Variants in COMMD1 observed in about 807,000 individuals in gnomAD.
The protein encoded by COMMD1 is COMM domain-containing protein 1.
In COMMD1, 10 loss-of-function variants were observed where a neutral mutation model predicts 17.2. The ratio of observed to expected loss-of-function variants is 0.58; its 90% CI spans 0.36 to 0.99. COMMD1 has a LOEUF of 0.99. COMMD1 is among the 50% of genes least tolerant of loss of function. The pLI is 0.01. For missense variants in COMMD1, 270 were observed against 231.8 expected (o/e 1.17, Z -1.07); for synonymous variants, 97 against 91.6 (o/e 1.06, Z -0.34).
At chr2:61,896,674 G>C (rs1414616804) in intron 1 of COMMD1, among the ~76,000 whole-genome samples, 1 of 152,018 alleles carries the variant, frequency 6.6e-6, no homozygotes, top group Non-Finnish European at 1.5e-5. Context: ...CCCCAAATAA[G>C]CTACTCTGGT....
chr2:61,987,043 C>T (rs1352802118), intron 1 of COMMD1, among the ~76,000 whole-genome samples: 3 of 152,078 alleles, frequency 2.0e-5, no homozygotes, highest in African/African-American at 7.2e-5. Flanking sequence ...TTAATTATTT[C>T]CATTTTGTTG....
chr2:62,042,209 A>C (rs956906494), intron 2 of COMMD1, among the ~76,000 whole-genome samples: 4 of 152,128 alleles, frequency 2.6e-5, no homozygotes, highest in African/African-American at 9.7e-5. Flanking sequence ...TAGACACAAA[A>C]GTTCTCCAAG....
chr2:62,099,429 A>G (rs1200192897), intron 2 of COMMD1, among the ~76,000 whole-genome samples: 1 of 152,200 alleles, frequency 6.6e-6, no homozygotes, highest in African/African-American at 2.4e-5. Context: ...GACCTAGGTC[A>G]TCTTTAGTAA....
chr2:61,936,738 T>C (rs551354484), intron 1 of COMMD1, among the ~76,000 whole-genome samples: 1 of 152,306 alleles, frequency 6.6e-6, no homozygotes, highest in East Asian at 1.9e-4. Context: ...TGGCCTTCCA[T>C]ACAGTTTTTG....
chr2:61,892,274 T>C lies in COMMD1; in HGVS notation n.119+3432T>C, dbSNP rs1460057739. ...ACAATTTCCTTAATAATTTATGAAA[T>C]AGGTTTTACAAAACAATAATACTTT... On this transcript the variant is annotated intron_variant and non_coding_transcript_variant, in intron 1 of 2. Transcript: ENST00000472729. 2.0e-5 allele frequency among the ~76,000 whole-genome samples: 3 copies of C among 152,058 alleles called. No homozygotes were observed. The South Asian group carries it at 6.2e-4, about 31-fold the overall frequency.
At chr2:61,933,474 C>T (rs531308103) in intron 1 of COMMD1, among the ~76,000 whole-genome samples, 2 of 151,998 alleles carry the variant, frequency 1.3e-5, no homozygotes, top group East Asian at 3.9e-4. Context: ...AGGTTCCAGG[C>T]TTAAGGGTGG....
chr2:61,918,432 G>C (rs1670102185), intron 1 of COMMD1: 1 of 152,174 alleles, frequency 6.6e-6, no homozygotes, highest in Non-Finnish European at 1.5e-5. Flanking sequence ...AGCAATTGCA[G>C]ATTACCCACC....
At chr2:61,919,232 G>A (rs576193866) in intron 1 of COMMD1, among the ~76,000 whole-genome samples, 269 of 152,124 alleles carry the variant, frequency 1.8e-3, no homozygotes, top group African/African-American at 6.0e-3. Context: ...GGCTGGTCTC[G>A]AACTCCCAAG....
chr2:62,089,882 A>G (rs529448252), intron 2 of COMMD1, among the ~76,000 whole-genome samples: 3 of 151,594 alleles, frequency 2.0e-5, no homozygotes, highest in Non-Finnish European at 4.4e-5. Flanking sequence ...CAGGTCCCAC[A>G]GCGCTAAGAA....
chr2:62,063,868 A>T lies in COMMD1; in HGVS notation c.462+62886A>T, dbSNP rs868706344. Among the ~76,000 whole-genome samples, 471 of 81,192 alleles carry T rather than the reference A, an allele frequency of 5.8e-3. 10 individuals are homozygous for T. The highest frequency in any genetic ancestry group is 0.02 in the African/African-American group (416 of 20,484). The allele number at this position is 81,192 out of a possible 152,430, so 53.3% of individuals were successfully genotyped here. ...CAACATAGTGACACTGTCTCTACAA[A>T]ATATATATATATATATATATATATA... On this transcript the variant is annotated intron_variant, in intron 2 of 2. Transcript: ENST00000311832.
intron 1 of COMMD1, among the ~76,000 whole-genome samples, chr2:61,911,874 C>G (rs901776499): frequency 5.9e-5 from 9 of 152,302 alleles, no homozygotes; most frequent in Admixed American, 4.6e-4. Flanking sequence ...TTACTCACTT[C>G]TCTGATCTCA....
At chr2:62,044,419 C>T (rs1670324161) in intron 2 of COMMD1, among the ~76,000 whole-genome samples, 1 of 152,142 alleles carries the variant, frequency 6.6e-6, no homozygotes, top group Non-Finnish European at 1.5e-5. Flanking sequence ...TTTGTGTATT[C>T]TGTGTTCTGC....
rs765844307 is a variant in COMMD1 at position 62,000,939 on chromosome 2, C to G, written c.419C>G (p.Thr140Arg). The G allele has an allele frequency of 2.5e-6, 4 of 1,613,962 alleles. No homozygotes were observed. In the African/African-American group the frequency reaches 5.3e-5, roughly 22 times the overall value. Residue 140 changes from threonine to arginine, a missense_variant, in exon 2 of 3, where the codon ACA (threonine) becomes AGA (arginine). Physicochemically the swap from Thr to Arg is moderately conservative, Grantham distance 71. Transcript: ENST00000311832. Reference protein sequence around the residue: ...SQSRHSAQIHTPVAIIELELG... With the variant: ...SQSRHSAQIHRPVAIIELELG... Reference sequence around the variant, plus strand: ...TCAAGGCACTCAGCTCAAATACACACACCTGTTGCCATTATAGAGCTGGAA... The same window carrying G: ...TCAAGGCACTCAGCTCAAATACACAGACCTGTTGCCATTATAGAGCTGGAA...
intron 2 of COMMD1, among the ~76,000 whole-genome samples, chr2:62,075,544 A>G (rs1027335680): frequency 6.6e-6 from 1 of 152,254 alleles, no homozygotes; most frequent in Non-Finnish European, 1.5e-5. Flanking sequence ...GGATATAATC[A>G]TATGAGGTAA....
intron 1 of COMMD1, chr2:61,915,815 CTTAT>C (rs1670033958): frequency 2.9e-6 from 1 of 347,684 alleles, no homozygotes; most frequent in South Asian, 2.3e-5. Flanking sequence ...CTTTATTTAA[CTTAT>C]TTATTTTATT....
At chr2:62,042,577 G>A (rs1016379825) in intron 2 of COMMD1, among the ~76,000 whole-genome samples, 1 of 152,134 alleles carries the variant, frequency 6.6e-6, no homozygotes, top group Non-Finnish European at 1.5e-5. Context: ...AGCGCCGAGC[G>A]CAGCCCCGGC....
intron 2 of COMMD1, among the ~76,000 whole-genome samples, chr2:62,056,032 A>G (rs536901596): frequency 6.6e-6 from 1 of 152,346 alleles, no homozygotes; most frequent in Admixed American, 6.5e-5. Flanking sequence ...AAGTCTTTGA[A>G]TGATTACATA....
At chr2:62,046,670 A>G (rs145313673) in intron 2 of COMMD1, among the ~76,000 whole-genome samples, 87 of 152,346 alleles carry the variant, frequency 5.7e-4, no homozygotes, top group Non-Finnish European at 9.3e-4. Flanking sequence ...TTTTCCTTCA[A>G]TGAATTTTGA....
chr2:62,133,182 C>T (rs1032374690), intron 2 of COMMD1, among the ~76,000 whole-genome samples: 5 of 152,192 alleles, frequency 3.3e-5, no homozygotes, highest in African/African-American at 9.6e-5. Flanking sequence ...CTGTGGAAGC[C>T]TTTCATCCAA....
Sources: gnomAD v4.1 joint callset for allele counts (sites outside exome capture counted in the v4.1 genomes callset) on GRCh38, gnomAD v4.1.1 for gene constraint, MANE v1.5 for transcripts, NCBI Gene and HGNC (gene_info 2026-07-23, HGNC 2026-07-21) for gene names.